The following PARVB variants were observed in gnomAD, a reference collection of about 807,000 sequenced individuals.
PARVB encodes beta-parvin.
PARVB carries 46 observed loss-of-function variants against 47.0 expected under a neutral mutation model. The ratio of observed to expected loss-of-function variants is 0.98; its 90% confidence interval spans 0.77 to 1.25. The LOEUF is 1.25. Among genes scored for constraint, PARVB ranks in the 50% most tolerant of loss-of-function variants. The pLI is 0.00. For missense variants in PARVB, 473 were observed against 471.6 expected, an observed-to-expected ratio of 1.00 and a Z score of -0.03; for synonymous variants, 196 against 196.3, an observed-to-expected ratio of 1.00 and a Z score of 0.01.
At chr22:44,036,974 G>A (rs1159784731) in intron 1 of PARVB, among the ~76,000 whole-genome samples, 14 of 151,630 alleles carry the variant, frequency 9.2e-5, no homozygotes, top group South Asian at 2.1e-4. Flanking sequence ...ACAGAGTGAG[G>A]CCCTGCATCA....
chr22:44,106,884 A>G (rs1167709617), intron 3 of PARVB: 1 of 152,108 alleles, frequency 6.6e-6, no homozygotes, highest in African/African-American at 2.4e-5. Flanking sequence ...GTCTCTGAGC[A>G]TTGATTATAC....
At chr22:44,075,263 T>G (rs1157431729) in intron 1 of PARVB, among the ~76,000 whole-genome samples, 3 of 152,224 alleles carry the variant, frequency 2.0e-5, no homozygotes, top group East Asian at 1.9e-4. Context: ...CTCACTCATA[T>G]GCACACATGT....
In PARVB at chr22:44,049,501, G is replaced by C. The variant is rs1344634445; in HGVS notation, c.112+25050G>C. Among the ~76,000 whole-genome samples, 1 of 152,262 alleles carries C rather than the reference G, an allele frequency of 6.6e-6. No individual in the cohort carries two copies. The highest frequency in any genetic ancestry group is 1.5e-5 in the Non-Finnish European group (1 of 68,050). On this transcript the variant is annotated intron_variant, in intron 1 of 12. Coordinates refer to ENST00000338758, the MANE Select transcript of PARVB (RefSeq NM_013327.5). This position sits in a 1 kb window ranked among gnomAD's most constrained non-coding sequence, Gnocchi z 4.0. Reference sequence around the variant, plus strand: ...TTTCACGGGCATAAAAATATCTGCGGAGTGAAAATGTGTGCAGAGGATGCA... The same window carrying C: ...TTTCACGGGCATAAAAATATCTGCGCAGTGAAAATGTGTGCAGAGGATGCA...
At chr22:44,121,558 T>TTA (rs577809169) in intron 4 of PARVB, among the ~76,000 whole-genome samples, 4 of 149,414 alleles carry the variant, frequency 2.7e-5, no homozygotes, top group South Asian at 2.1e-4. Context: ...TGTCCTTTTT[T>TTA]AAAAAAAAAA....
chr22:44,116,829 G>T (rs538832366), intron 3 of PARVB, among the ~76,000 whole-genome samples: 9 of 152,248 alleles, frequency 5.9e-5, no homozygotes, highest in Admixed American at 5.9e-4. Context: ...TGGTATCTGG[G>T]TTAGGGGAAG....
intron 1 of PARVB, among the ~76,000 whole-genome samples, chr22:44,055,237 C>G (rs2051284837): frequency 6.6e-6 from 1 of 152,156 alleles, no homozygotes; most frequent in Admixed American, 6.6e-5. Context: ...GCGCCTCCCT[C>G]CCCACCAGAG....
intron 1 of PARVB, among the ~76,000 whole-genome samples, chr22:44,069,599 G>T (rs2051608900): frequency 6.6e-6 from 1 of 152,024 alleles, no homozygotes; most frequent in South Asian, 2.1e-4. Context: ...CGCGATCTTG[G>T]CTCACTGCAA....
chr22:44,050,347 C>CTT (rs764974368), intron 1 of PARVB, among the ~76,000 whole-genome samples: 1,567 of 143,618 alleles, frequency 0.011, 30 homozygotes, highest in African/African-American at 0.038. Flanking sequence ...CCCTTTCGGC[C>CTT]TTTTTTTTTT....
chr22:44,134,194 C>G (rs761617010), intron 6 of PARVB, among the ~76,000 whole-genome samples: 1 of 152,172 alleles, frequency 6.6e-6, no homozygotes, highest in Non-Finnish European at 1.5e-5. Context: ...CAGTCTTGAC[C>G]GGACGGGAAT....
At chr22:44,167,295 G>A (rs1477315149) in intron 12 of PARVB, among the ~76,000 whole-genome samples, 3 of 152,224 alleles carry the variant, frequency 2.0e-5, no homozygotes, top group Admixed American at 6.5e-5. Context: ...AGGGACTGAG[G>A]TTCATGGGTC....
chr22:44,121,558 TA>T lies in PARVB; in HGVS notation c.376+2430del, dbSNP rs60091880. On this transcript the variant is annotated intron_variant, in intron 4 of 12. Coordinates refer to ENST00000338758, the MANE Select transcript of PARVB (RefSeq NM_013327.5). Reference sequence around the variant, plus strand: ...GCTTTTCTTCTCCTGTGTCCTTTTTTAAAAAAAAAAAATCCCCTAAAATAGA... The same window carrying T: ...GCTTTTCTTCTCCTGTGTCCTTTTTTAAAAAAAAAAATCCCCTAAAATAGA... Among the ~76,000 whole-genome samples the T allele has an allele frequency of 6.2e-4, 92 of 149,474 alleles. 1 individual carries two copies. The highest frequency in any genetic ancestry group is 2.7e-3 in the South Asian group (13 of 4,744).
At chr22:44,076,860 C>T (rs1461646114) in intron 1 of PARVB, among the ~76,000 whole-genome samples, 2 of 152,126 alleles carry the variant, frequency 1.3e-5, no homozygotes. Context: ...GGGTCCTGTG[C>T]CCCCTCCCCA....
At chr22:44,021,085 C>A (rs540391534), upstream of PARVB, among the ~76,000 whole-genome samples, 4 of 152,190 alleles carry the variant, frequency 2.6e-5, no homozygotes, top group Non-Finnish European at 5.9e-5. Context: ...GCCTGGCCCC[C>A]CTTTTGGGTT....
In PARVB at chr22:44,024,408, C is replaced by T; in HGVS notation, c.69C>T (p.Gly23=). Residue 23 remains glycine (G), a synonymous_variant, in exon 1 of 13, where the codon GGC becomes GGT. Coordinates refer to ENST00000338758, the MANE Select transcript of PARVB (RefSeq NM_013327.5). ...TGAAGAAGGACGAGTCGTTCCTGGGCAAGCTGGGCGGCACCCTGGCCAGGA... is the reference window on the plus strand; with the variant it reads ...TGAAGAAGGACGAGTCGTTCCTGGGTAAGCTGGGCGGCACCCTGGCCAGGA... ...RRMKKDESFL[G]KLGGTLARKR... The T allele has an allele frequency of 7.9e-7, 1 of 1,260,272 alleles. No homozygotes were observed. Among genetic ancestry groups the T allele is most frequent in the Non-Finnish European group, 1.0e-6 (1 of 988,830 alleles). 78.1% of individuals were successfully genotyped at this position (1,260,272 alleles called of 1,614,324 possible).
At chr22:44,067,951 C>G (rs2051571443) in intron 1 of PARVB, among the ~76,000 whole-genome samples, 1 of 152,118 alleles carries the variant, frequency 6.6e-6, no homozygotes, top group South Asian at 2.1e-4. Context: ...TGAGCCCTCA[C>G]TGTTGATCCT....
intron 1 of PARVB, among the ~76,000 whole-genome samples, chr22:44,070,571 C>G (rs1372126011): frequency 1.3e-5 from 2 of 152,060 alleles, no homozygotes; most frequent in African/African-American, 4.8e-5. Context: ...TTTTCACAGG[C>G]TTTTTGTAGA....
At chr22:44,069,585 A>G (rs1298479604) in intron 1 of PARVB, among the ~76,000 whole-genome samples, 1 of 151,624 alleles carries the variant, frequency 6.6e-6, no homozygotes, top group African/African-American at 2.4e-5. Flanking sequence ...CTGGAGTGCA[A>G]TGGCGCGATC....
intron 7 of PARVB, chr22:44,139,210 T>TA (rs1299183587): frequency 6.6e-6 from 1 of 152,360 alleles, no homozygotes; most frequent in African/African-American, 2.4e-5. Context: ...TTTGTTTGTT[T>TA]ATTTATTTAT....
chr22:44,145,358 CTCTG>C (rs1474942662), intron 8 of PARVB: 1 of 152,326 alleles, frequency 6.6e-6, no homozygotes, highest in Non-Finnish European at 1.5e-5. Flanking sequence ...AGTATGCTCT[CTCTG>C]TCTCTCTCTC....
Sources: allele counts gnomAD v4.1 joint callset (sites outside exome capture counted in the v4.1 genomes callset), GRCh38; gene constraint gnomAD v4.1.1; non-coding constraint Gnocchi (gnomAD v3.1); transcripts MANE v1.5; gene names NCBI Gene and HGNC (gene_info 2026-07-23, HGNC 2026-07-21).